The following FAM47E variants were observed in gnomAD, a reference collection of about 807,000 sequenced individuals.
FAM47E encodes family with sequence similarity 47 member E, also known as protein FAM47E.
FAM47E carries 32 observed loss-of-function variants against 41.6 expected under a neutral mutation model. The ratio of observed to expected loss-of-function variants is 0.77; its 90% CI spans 0.58 to 1.03. FAM47E has a LOEUF of 1.03. FAM47E is among the 50% of genes least tolerant of loss of function. The pLI is 0.00. For synonymous variants in FAM47E, 184 were observed against 188.7 expected (o/e 0.98, Z 0.20); for missense variants, 424 against 485.4 (o/e 0.87, Z 1.19).
chr4:76,254,839 T>A (rs1027395624), intron 1 of FAM47E, among the ~76,000 whole-genome samples: 9 of 152,150 alleles, frequency 5.9e-5, no homozygotes, highest in African/African-American at 2.2e-4. Context: ...TCGCTGGTTG[T>A]GTTAGGTTAT....
chr4:76,229,121 G>T (rs994808974), intron 2 of FAM47E, among the ~76,000 whole-genome samples: 1 of 151,966 alleles, frequency 6.6e-6, no homozygotes, highest in African/African-American at 2.4e-5. Context: ...TTGTTCTATT[G>T]TTGACTTTAT....
intron 2 of FAM47E, among the ~76,000 whole-genome samples, chr4:76,225,151 G>A (rs1272659022): frequency 6.6e-6 from 1 of 152,110 alleles, no homozygotes; most frequent in Non-Finnish European, 1.5e-5. Flanking sequence ...GTATTCCATA[G>A]TAAATATATA....
upstream of FAM47E, chr4:76,251,695 A>C (rs1002712259): frequency 1.4e-6 from 2 of 1,410,972 alleles, no homozygotes; most frequent in African/African-American, 1.5e-5. Flanking sequence ...GGGCGGCAGC[A>C]GGGCACACAC....
intron 2 of FAM47E, among the ~76,000 whole-genome samples, chr4:76,230,627 C>A (rs1733476200): frequency 6.6e-6 from 1 of 152,140 alleles, no homozygotes; most frequent in Non-Finnish European, 1.5e-5. Context: ...CTCTTCCTAG[C>A]AGATATCTGG....
intron 2 of FAM47E, among the ~76,000 whole-genome samples, chr4:76,219,210 A>G (rs1733266205): frequency 6.6e-6 from 1 of 152,238 alleles, no homozygotes; most frequent in South Asian, 2.1e-4. Context: ...CTGGGCATCC[A>G]GGAGGGGCAC....
intron 2 of FAM47E, among the ~76,000 whole-genome samples, chr4:76,230,623 C>A (rs1252960545): frequency 6.6e-6 from 1 of 152,108 alleles, no homozygotes; most frequent in East Asian, 1.9e-4. Flanking sequence ...CCTTCTCTTC[C>A]TAGCAGATAT....
chr4:76,227,443 T>C (rs1053727108), intron 2 of FAM47E, among the ~76,000 whole-genome samples: 13 of 152,230 alleles, frequency 8.5e-5, no homozygotes, highest in African/African-American at 3.1e-4. Context: ...TATTGAGACC[T>C]GTTTTGTGGC....
upstream of FAM47E, among the ~76,000 whole-genome samples, chr4:76,247,154 C>T (rs1733845632): frequency 2.0e-5 from 3 of 152,130 alleles, no homozygotes; most frequent in Admixed American, 1.3e-4. Flanking sequence ...TACTTTCTGT[C>T]TCATGAGTTT....
upstream of FAM47E, among the ~76,000 whole-genome samples, chr4:76,247,910 CTTTTTTTT>C (rs753751295): frequency 2.3e-5 from 2 of 86,844 alleles, no homozygotes; most frequent in Non-Finnish European, 2.1e-5. Context: ...CACTCTCTCT[CTTTTTTTT>C]TTTTTTTTTT....
chr4:76,274,990 C>T (rs12646723), intron 5 of FAM47E, among the ~76,000 whole-genome samples: 13,800 of 152,252 alleles, frequency 0.091, 1,075 homozygotes, highest in East Asian at 0.41. Flanking sequence ...AGTCGTGAGG[C>T]TTATCTTGTT....
chr4:76,261,518 G>T (rs773298644), intron 2 of FAM47E, among the ~76,000 whole-genome samples: 1 of 152,156 alleles, frequency 6.6e-6, no homozygotes, highest in African/African-American at 2.4e-5. Context: ...CATGTCTATC[G>T]TAGCGACATG....
intron 1 of FAM47E, among the ~76,000 whole-genome samples, chr4:76,252,928 C>T (rs983721788): frequency 1.3e-5 from 2 of 152,156 alleles, no homozygotes; most frequent in Non-Finnish European, 2.9e-5. Flanking sequence ...CTTACTTGCA[C>T]TCAGGTGTGT....
At chr4:76,235,158 A>C (rs1291900794) in intron 2 of FAM47E, among the ~76,000 whole-genome samples, 1 of 152,014 alleles carries the variant, frequency 6.6e-6, no homozygotes, top group Non-Finnish European at 1.5e-5. Context: ...CCTACTAAAA[A>C]ATACAAAAAA....
At chr4:76,225,655 T>C (rs770845793) in intron 2 of FAM47E, among the ~76,000 whole-genome samples, 20 of 152,254 alleles carry the variant, frequency 1.3e-4, no homozygotes, top group Admixed American at 1.1e-3. Context: ...CAAATGATCT[T>C]TGTTTTTAAT....
chr4:76,278,069 A>G lies in FAM47E; in HGVS notation c.871A>G (p.Asn291Asp). Reference protein sequence around the residue: ...GYERKLQKPQNPYKPKWVKMR... With the variant: ...GYERKLQKPQDPYKPKWVKMR... ...CTGGGAATTATGTTACTTTCCACAGAATCCTTATAAGCCAAAGTGGGTGAA... is the reference window on the plus strand; with the variant it reads ...CTGGGAATTATGTTACTTTCCACAGGATCCTTATAAGCCAAAGTGGGTGAA... The change falls in exon 6 of 8, where the codon AAT (asparagine) becomes GAT (aspartate). Residue 291 changes from asparagine (N) to aspartate (D), a missense_variant and splice_region_variant. Asn to Asp is a conservative substitution (Grantham distance 23). Coordinates refer to ENST00000424749, the MANE Select transcript of FAM47E (RefSeq NM_001136570.3). 1 of 1,492,454 alleles carries G rather than the reference A, an allele frequency of 6.7e-7. No individual in the cohort carries two copies. Among genetic ancestry groups the G allele is most frequent in the Non-Finnish European group, 8.9e-7 (1 of 1,125,798 alleles). The allele number at this position is 1,492,454 out of a possible 1,614,324, so 92.5% of individuals were successfully genotyped here.
chr4:76,235,280 T>C (rs1733567596), intron 2 of FAM47E, among the ~76,000 whole-genome samples: 1 of 152,174 alleles, frequency 6.6e-6, no homozygotes. Context: ...ATCGCACCGC[T>C]GCACTCCAGC....
At chr4:76,283,071 C>G (rs958080088) in intron 7 of FAM47E, 1 of 208,936 alleles carries the variant, frequency 4.8e-6, no homozygotes, top group Non-Finnish European at 9.6e-6. Flanking sequence ...GCCTCATTCC[C>G]TCTGCTGCAC....
chr4:76,271,504 AAAG>A lies in FAM47E; in HGVS notation c.670-58_670-56del, dbSNP rs1339193484. ...TTTCCTCAGCGATGGCCCTCAGATT[AAAG>A]AAGAAAGCAAAGAGCATTTCACCGA... On this transcript the variant is annotated intron_variant, in intron 4 of 7. Transcript: ENST00000424749. 3.9e-6 allele frequency: 6 copies of A among 1,533,054 alleles called. No homozygotes were observed. In the African/African-American group the frequency reaches 6.9e-5, roughly 18 times the overall value. 95.0% of individuals were successfully genotyped at this position (1,533,054 alleles called of 1,614,324 possible). A position where few individuals can be genotyped will look rare whatever the true frequency, so the allele number is the denominator to read the frequency against.
At chr4:76,249,355 G>T (rs1333677411), upstream of FAM47E, among the ~76,000 whole-genome samples, 3 of 152,108 alleles carry the variant, frequency 2.0e-5, no homozygotes, top group Admixed American at 2.0e-4. Flanking sequence ...GTTTATTTAA[G>T]AGTGATAATT....
Sources: allele counts gnomAD v4.1 joint callset (sites outside exome capture counted in the v4.1 genomes callset), GRCh38; gene constraint gnomAD v4.1.1; transcripts MANE v1.5; gene names NCBI Gene and HGNC (gene_info 2026-07-23, HGNC 2026-07-21).